LRRC4C: variants seen among roughly 807,000 people sequenced by gnomAD.
LRRC4C encodes leucine rich repeat containing 4C.
LRRC4C carries 5 observed loss-of-function variants against 33.6 expected under a neutral mutation model. That is an observed-to-expected ratio of 0.15 (90% CI 0.08 to 0.31). The LOEUF (loss-of-function observed/expected upper bound fraction) is 0.31. LRRC4C is among the 10% of genes least tolerant of loss of function. The pLI, the probability that LRRC4C is intolerant of heterozygous loss-of-function variation, is 1.00. For synonymous variants in LRRC4C, 329 were observed against 302.0 expected (o/e 1.09, Z -0.93); for missense variants, 560 against 796.7 (o/e 0.70, Z 3.58).
rs191678553 is a variant in LRRC4C, at chr11:40,951,189, T to C, written c.-495-17466A>G. Reference sequence around the variant, plus strand: ...TGCACTGATTTTCTAGAAACTTTGATGGGGAAATGTTTTATGTTATTTCTG... The same window carrying C: ...TGCACTGATTTTCTAGAAACTTTGACGGGGAAATGTTTTATGTTATTTCTG... On this transcript the variant is annotated intron_variant, in intron 1 of 6. Transcript: ENST00000528697. Among the ~76,000 whole-genome samples, 7 of 152,078 alleles carry C rather than the reference T, an allele frequency of 4.6e-5. No individual in the cohort carries two copies. In the East Asian group the frequency reaches 7.7e-4, roughly 17 times the overall value.
intron 3 of LRRC4C, among the ~76,000 whole-genome samples, chr11:40,390,775 T>TG (rs1170873936): frequency 6.6e-6 from 1 of 152,222 alleles, no homozygotes; most frequent in African/African-American, 2.4e-5. Context: ...CACAGATTCC[T>TG]GCCTGCCAAG....
intron 2 of LRRC4C, among the ~76,000 whole-genome samples, chr11:40,792,260 A>T (rs965634301): frequency 2.0e-5 from 3 of 152,192 alleles, no homozygotes; most frequent in East Asian, 1.9e-4. Context: ...GAGTAAAAAA[A>T]AAATGAACAA....
At chr11:41,447,404 A>G (rs1955858864) in intron 1 of LRRC4C, among the ~76,000 whole-genome samples, 1 of 152,178 alleles carries the variant, frequency 6.6e-6, no homozygotes. Flanking sequence ...GAAGCTATTA[A>G]AACCCCATGA....
At chr11:40,884,725 T>C (rs1172598803) in intron 2 of LRRC4C, among the ~76,000 whole-genome samples, 1 of 152,106 alleles carries the variant, frequency 6.6e-6, no homozygotes, top group Non-Finnish European at 1.5e-5. Flanking sequence ...ATAGACTAGA[T>C]GTGTAAATGT....
intron 3 of LRRC4C, among the ~76,000 whole-genome samples, chr11:40,538,991 T>C (rs924279765): frequency 6.6e-6 from 1 of 152,170 alleles, no homozygotes; most frequent in Non-Finnish European, 1.5e-5. Context: ...ATGGGGTTGT[T>C]TTTTTCTTGT....
chr11:40,914,048 ATAAT>A (rs1293220043), intron 2 of LRRC4C, among the ~76,000 whole-genome samples: 15 of 152,280 alleles, frequency 9.9e-5, no homozygotes, highest in African/African-American at 3.6e-4. Flanking sequence ...AATTGAGGCA[ATAAT>A]TAATAGCTTA....
At chr11:41,422,306 C>T (rs1452247286) in intron 1 of LRRC4C, among the ~76,000 whole-genome samples, 1 of 151,976 alleles carries the variant, frequency 6.6e-6, no homozygotes, top group African/African-American at 2.4e-5. Context: ...CCAACTATGA[C>T]AATCCCTTCT....
At chr11:40,993,913 C>T (rs773101854) in intron 1 of LRRC4C, among the ~76,000 whole-genome samples, 3 of 152,038 alleles carry the variant, frequency 2.0e-5, no homozygotes, top group Non-Finnish European at 4.4e-5. Context: ...GAAGAAAGCT[C>T]AAAGTGATCT....
At chr11:41,410,311 C>A (rs1954414954) in intron 1 of LRRC4C, among the ~76,000 whole-genome samples, 2 of 152,118 alleles carry the variant, frequency 1.3e-5, no homozygotes, top group African/African-American at 4.8e-5. Context: ...ATTTTGGCAC[C>A]TAGTTTTCCT....
At chr11:41,032,234 A>C (rs1856769405) in intron 1 of LRRC4C, among the ~76,000 whole-genome samples, 1 of 152,058 alleles carries the variant, frequency 6.6e-6, no homozygotes, top group South Asian at 2.1e-4. Flanking sequence ...CCTGAGTTAG[A>C]TTTGTGCTTA....
intron 3 of LRRC4C, among the ~76,000 whole-genome samples, chr11:40,413,944 T>A (rs943000919): frequency 6.6e-6 from 1 of 152,102 alleles, no homozygotes; most frequent in African/African-American, 2.4e-5. Context: ...CTCCTTTAAA[T>A]GGTGAATTTT....
intron 2 of LRRC4C, among the ~76,000 whole-genome samples, chr11:40,830,348 GCCAA>G (rs1952356110): frequency 6.6e-6 from 1 of 151,958 alleles, no homozygotes; most frequent in Non-Finnish European, 1.5e-5. Flanking sequence ...TGCTTTAAAT[GCCAA>G]CCAAAGCAGT....
At chr11:40,462,982 T>A in intron 3 of LRRC4C, among the ~76,000 whole-genome samples, 1 of 151,714 alleles carries the variant, frequency 6.6e-6, no homozygotes, top group East Asian at 2.0e-4. Context: ...AGATCATCCG[T>A]AATATGAAGT....
intron 5 of LRRC4C, among the ~76,000 whole-genome samples, chr11:40,175,792 G>A (rs922347617): frequency 2.0e-5 from 3 of 152,100 alleles, no homozygotes; most frequent in Non-Finnish European, 4.4e-5. Context: ...ACCGTCTTCT[G>A]CTCTCCAATG....
chr11:40,304,196 G>C (rs1057073981), intron 4 of LRRC4C, among the ~76,000 whole-genome samples: 1 of 152,140 alleles, frequency 6.6e-6, no homozygotes, highest in Non-Finnish European at 1.5e-5. Context: ...GAGGGGCCTG[G>C]AAGACCTAGC....
chr11:41,237,301 C>T (rs931441635), intron 1 of LRRC4C, among the ~76,000 whole-genome samples: 3 of 152,088 alleles, frequency 2.0e-5, no homozygotes. Flanking sequence ...AAGTATCTGT[C>T]GTTGTCAGCT....
intron 5 of LRRC4C, among the ~76,000 whole-genome samples, chr11:40,201,648 T>C (rs1383488828): frequency 1.3e-5 from 2 of 152,122 alleles, no homozygotes; most frequent in African/African-American, 2.4e-5. Context: ...GAATGACCCA[T>C]AGAACTCCCA....
intron 3 of LRRC4C, among the ~76,000 whole-genome samples, chr11:40,406,792 G>A (rs188582473): frequency 1.6e-4 from 24 of 152,084 alleles, no homozygotes; most frequent in Non-Finnish European, 3.1e-4. Flanking sequence ...AACCAAATAC[G>A]ATATATTTCT....
At chr11:40,127,478 T>C (rs1323411763) in intron 6 of LRRC4C, among the ~76,000 whole-genome samples, 1 of 151,936 alleles carries the variant, frequency 6.6e-6, no homozygotes, top group Non-Finnish European at 1.5e-5. Context: ...ACTAGCCCAA[T>C]TGAGGGGCAC....
Sources: gnomAD v4.1 joint callset for allele counts (sites outside exome capture counted in the v4.1 genomes callset) on GRCh38, gnomAD v4.1.1 for gene constraint, MANE v1.5 for transcripts, NCBI Gene and HGNC (gene_info 2026-07-23, HGNC 2026-07-21) for gene names.